The following ATM variants were observed in gnomAD, a reference collection of about 807,000 sequenced individuals.
ATM encodes the protein serine-protein kinase ATM.
In ATM, 308 loss-of-function variants were observed where a neutral mutation model predicts 387.0. The observed-to-expected ratio is 0.80, with a 90% CI of 0.73 to 0.87. The LOEUF is 0.87. Among genes scored for constraint, ATM ranks in the 40% least tolerant of loss-of-function variants. The pLI is 0.00. For missense variants in ATM, 3,312 were observed against 3,560.9 expected (o/e 0.93, Z 1.78); for synonymous variants, 1,156 against 1,187.3 (o/e 0.97, Z 0.54).
intron 40 of ATM, among the ~76,000 whole-genome samples, chr11:108,314,105 C>A (rs2084399512): frequency 6.6e-6 from 1 of 151,988 alleles, no homozygotes; most frequent in Non-Finnish European, 1.5e-5. Context: ...ACTGTATTTT[C>A]TAATGTACAG....
In ATM at chr11:108,365,582, C is replaced by T. The variant is rs2137938198; in HGVS notation, c.*74C>T. ...TTAGCCTTTATTTTTAACCTGCCAA[C>T]ATACTTTAAGTAGGGATTAATATTT... On this transcript the variant is annotated 3_prime_UTR_variant, in exon 63 of 63. Transcript: ENST00000675843. 1 of 1,508,496 alleles carries T rather than the reference C, an allele frequency of 6.6e-7. No individual in the cohort carries two copies. The highest frequency in any genetic ancestry group is 9.0e-7 in the Non-Finnish European group (1 of 1,107,852). 93.4% of individuals were successfully genotyped at this position (1,508,496 alleles called of 1,614,324 possible).
chr11:108,251,050 G>C lies in ATM; in HGVS notation c.1585G>C (p.Gly529Arg), dbSNP rs1325651820. The C allele has an allele frequency of 6.2e-7, 1 of 1,613,930 alleles. No individual in the cohort carries two copies. The highest frequency in any genetic ancestry group is 8.5e-7 in the Non-Finnish European group (1 of 1,180,010). The change falls in exon 10 of 63, where the codon GGG becomes CGG. Residue 529 changes from glycine (G) to arginine (R), a missense_variant. Around this residue, in one of 4 missense-constraint regions of ATM, gnomAD observed 1,791 missense variants for 1,804.5 expected, o/e 0.99. Transcript: ENST00000675843. ...CAGAGAATTCTGGAAGTTATTTACT[G>C]GGTCAGCCTGCAGACCTTCATGGTA... ...VDREFWKLFT[G>R]SACRPSCPAV...
intron 9 of ATM, 127 bp downstream of exon 9, chr11:108,249,229 A>G: frequency 9.4e-7 from 1 of 1,065,606 alleles, no homozygotes; most frequent in Non-Finnish European, 1.4e-6. Flanking sequence ...CAAACCTATT[A>G]CTAGCAAAGG....
In ATM at chr11:108,256,252, T is replaced by G. The variant is rs2080475582; in HGVS notation, c.2162T>G (p.Leu721Arg). The change falls in exon 14 of 63, where the codon CTT becomes CGT. Residue 721 changes from leucine to arginine, a missense_variant. Leu to Arg is a moderately radical substitution (Grantham distance 102). Transcript: ENST00000675843. ...GAAACTCTTGTCCGGTGTTCACGTC[T>G]TTTGGTGGGTGTCCTTGGCTGCTAC... Reference protein sequence around the residue: ...NSETLVRCSRLLVGVLGCYCY... With the variant: ...NSETLVRCSRRLVGVLGCYCY... 1 of 1,610,054 alleles carries G rather than the reference T, an allele frequency of 6.2e-7. No homozygotes were observed. The highest frequency in any genetic ancestry group is 8.5e-7 in the Non-Finnish European group (1 of 1,177,324).
In ATM at chr11:108,326,095, A is replaced by G. The variant is rs863224579; in HGVS notation, c.6845A>G (p.Asn2282Ser). The G allele has an allele frequency of 2.5e-6, 4 of 1,614,146 alleles. No individual in the cohort carries two copies. Among genetic ancestry groups the G allele is most frequent in the East Asian group, 2.2e-5 (1 of 44,878 alleles). Residue 2282 changes from asparagine (N) to serine (S), a missense_variant, in exon 47 of 63, where the codon AAT becomes AGT. Physicochemically the swap from Asn to Ser is conservative, Grantham distance 46. This residue lies in a region of ATM where 1,405 missense variants were observed against 1,604.4 expected (regional missense o/e 0.88). Coordinates refer to ENST00000675843, the MANE Select transcript of ATM (RefSeq NM_000051.4). ...ERAIFQIKQY[N>S]SVSCGVSEWQ... ...GCAATATTTCAAATTAAACAGTACA[A>G]TTCAGTTAGCTGTGGAGTCTCTGAG... is the stretch of plus-strand genomic sequence containing the variant.
intron 60 of ATM, 107 bp from the exon 61 acceptor site, chr11:108,354,704 T>C (rs1591312800): frequency 2.0e-6 from 2 of 998,034 alleles, no homozygotes; most frequent in Non-Finnish European, 3.2e-6. Context: ...GATATGTAGA[T>C]TATTAAGCAT....
intron 30 of ATM, among the ~76,000 whole-genome samples, 160 bp from the exon 31 acceptor site, chr11:108,293,153 T>A (rs1244632985): frequency 6.6e-6 from 1 of 152,180 alleles, no homozygotes; most frequent in Non-Finnish European, 1.5e-5. Context: ...TATTGAATTA[T>A]TTGAAAACAC....
intron 18 of ATM, among the ~76,000 whole-genome samples, chr11:108,269,063 C>CT (rs1182773713): frequency 6.6e-6 from 1 of 152,196 alleles, no homozygotes; most frequent in Non-Finnish European, 1.5e-5. Flanking sequence ...CACACACACA[C>CT]TCATACGCAG....
chr11:108,238,900 T>A (rs985906825), intron 5 of ATM, among the ~76,000 whole-genome samples: 2 of 152,204 alleles, frequency 1.3e-5, no homozygotes, highest in African/African-American at 4.8e-5. Flanking sequence ...TGTGTAATCA[T>A]CTCCACCATC....
Position 108,251,865 on chromosome 11 carries a change from C to T in ATM, c.1636C>T (p.Leu546=), listed in dbSNP as rs2227924. ...CPAVCCLTLA[L]TTSIVPGTVK... ...TGCAGTATGCTGTTTGACTTTGGCA[C>T]TGACCACCAGTATAGTTCCAGGAAC... The change falls in exon 11 of 63, where the codon CTG becomes TTG. Residue 546 remains leucine, a synonymous_variant. Coordinates refer to ENST00000675843, the MANE Select transcript of ATM (RefSeq NM_000051.4). 1.9e-6 allele frequency: 3 copies of T among 1,613,834 alleles called. No homozygotes were observed. The highest frequency in any genetic ancestry group is 1.7e-6 in the Non-Finnish European group (2 of 1,179,818).
intron 16 of ATM, 82 bp downstream of exon 16, chr11:108,259,157 A>T (rs185045466): frequency 2.6e-6 from 3 of 1,141,312 alleles, no homozygotes; most frequent in Admixed American, 3.8e-5. Flanking sequence ...GTAAATAAGG[A>T]TGCATCTCAC....
At chr11:108,256,129 T>C in intron 13 of ATM, 86 bp from the exon 14 acceptor site, 7 of 1,265,322 alleles carry the variant, frequency 5.5e-6, no homozygotes, top group Non-Finnish European at 7.4e-6. Flanking sequence ...TTTTTTAATA[T>C]GTATGTAGAA....
At chr11:108,223,613 T>C (rs1473611954) in intron 1 of ATM, 4 of 152,260 alleles carry the variant, frequency 2.6e-5, no homozygotes, top group African/African-American at 7.2e-5. Flanking sequence ...CGCTCTCTAC[T>C]GTCTTGTGAA....
chr11:108,273,454 G>T (rs1242779105), intron 22 of ATM, among the ~76,000 whole-genome samples: 2 of 143,896 alleles, frequency 1.4e-5, no homozygotes, highest in African/African-American at 2.6e-5. Context: ...CAATTCTCCT[G>T]CCTCATCCTC....
intron 54 of ATM, 148 bp from the exon 55 acceptor site, chr11:108,334,821 C>A: frequency 2.2e-6 from 2 of 892,924 alleles, no homozygotes; most frequent in Non-Finnish European, 3.4e-6. Flanking sequence ...TGAGCCACCA[C>A]ACCCGGCCTA....
chr11:108,313,144 AAC>A (rs1216776667), intron 40 of ATM, among the ~76,000 whole-genome samples: 3 of 152,168 alleles, frequency 2.0e-5, no homozygotes, highest in African/African-American at 7.2e-5. Context: ...ATGTTACAGA[AAC>A]AGTTTATCCT....
intron 22 of ATM, among the ~76,000 whole-genome samples, chr11:108,274,277 C>T (rs371845672): frequency 1.7e-4 from 26 of 152,132 alleles, no homozygotes; most frequent in African/African-American, 5.5e-4. Context: ...GTCTTGCTAG[C>T]GGTCTGTTTT....
At chr11:108,329,355 G>A (rs949795218) in intron 49 of ATM, 117 bp downstream of exon 49, 23 of 943,688 alleles carry the variant, frequency 2.4e-5, no homozygotes, top group East Asian at 5.3e-5. Context: ...TCTAAAGGTC[G>A]GCTTAACTAT....
chr11:108,271,283 A>G lies in ATM; in HGVS notation c.2954A>G (p.Asp985Gly), dbSNP rs864622159. ...NVCSLYRRDQDVCKTILNHVL... is the reference protein window; with the variant it reads ...NVCSLYRRDQGVCKTILNHVL... ...TGTTCTTTGTATCGTCGTGACCAAG[A>G]TGTTTGTAAAACTATTTTAAACCAT... The change falls in exon 20 of 63, where the codon GAT (aspartate) becomes GGT (glycine). Residue 985 changes from aspartate (D) to glycine (G), a missense_variant. By Grantham distance (94) the Asp-to-Gly change is moderately conservative (BLOSUM62 -1). Transcript: ENST00000675843. 1.2e-6 allele frequency: 2 copies of G among 1,612,970 alleles called. No individual in the cohort carries two copies. Among genetic ancestry groups the G allele is most frequent in the Admixed American group, 1.7e-5 (1 of 59,882 alleles).
Sources: allele counts gnomAD v4.1 joint callset (sites outside exome capture counted in the v4.1 genomes callset), GRCh38; gene constraint gnomAD v4.1.1; regional missense constraint gnomAD v4.1.1; transcripts MANE v1.5; gene names NCBI Gene and HGNC (gene_info 2026-07-23, HGNC 2026-07-21).